The following RANBP2 variants were observed in gnomAD, a reference collection of about 807,000 sequenced individuals.
RANBP2 encodes RAN binding protein 2.
RANBP2 carries 57 observed loss-of-function variants against 303.6 expected under a neutral mutation model. The ratio of observed to expected loss-of-function variants is 0.19; its 90% CI spans 0.15 to 0.23. The LOEUF (loss-of-function observed/expected upper bound fraction) is 0.23. Ranked by LOEUF, RANBP2 falls within the 10% of genes least tolerant of loss-of-function variation. RANBP2 has a pLI of 1.00. For missense variants in RANBP2, 3,138 were observed against 3,780.8 expected (o/e 0.83, Z 4.46); for synonymous variants, 1,167 against 1,301.5 (o/e 0.90, Z 2.23).
At chr2:109,088,623 C>A in the RANBP2 span, among the ~76,000 whole-genome samples, 1 of 151,944 alleles carries the variant, frequency 6.6e-6, no homozygotes, top group African/African-American at 2.4e-5. Flanking sequence ...GAGGTTCTCA[C>A]GCCTCAGCCT....
the RANBP2 span, among the ~76,000 whole-genome samples, chr2:109,486,764 G>A: frequency 3.3e-5 from 5 of 152,286 alleles, no homozygotes; most frequent in Middle Eastern, 3.4e-3. Context: ...GAGGGCACTG[G>A]GTGGTGGGGA....
Position 108,782,226 on chromosome 2 carries a change from C to T in RANBP2, c.8859C>T (p.Arg2953=), listed in dbSNP as rs779450120. The change falls in exon 27 of 29, where the codon CGC becomes CGT. Residue 2953 remains arginine (R), a synonymous_variant. Coordinates refer to ENST00000283195, the MANE Select transcript of RANBP2 (RefSeq NM_006267.5). ...WDRDVSQWKE[R]GVGDIKILWH... ...GGGATGTCAGTCAGTGGAAGGAGCG[C>T]GGTGTTGGAGATATAAAGATTCTTT... 6.2e-5 allele frequency: 100 copies of T among 1,613,904 alleles called. No homozygotes were observed. Among genetic ancestry groups the T allele is most frequent in the East Asian group, 4.0e-4 (18 of 44,886 alleles).
chr2:109,508,561 C>T, the RANBP2 span, among the ~76,000 whole-genome samples: 3 of 151,678 alleles, frequency 2.0e-5, no homozygotes, highest in Non-Finnish European at 1.5e-5. Context: ...CGTCAACAGA[C>T]GTGGACATCA....
At chr2:108,862,524 G>C in the RANBP2 span, among the ~76,000 whole-genome samples, 2 of 152,198 alleles carry the variant, frequency 1.3e-5, no homozygotes, top group East Asian at 1.9e-4. Flanking sequence ...TTACATACTT[G>C]AAAATTGCTA....
At chr2:109,256,059 G>A in the RANBP2 span, among the ~76,000 whole-genome samples, 2 of 152,144 alleles carry the variant, frequency 1.3e-5, no homozygotes, top group Admixed American at 6.5e-5. Context: ...ACAAATGTAA[G>A]CCTGTATGTG....
chr2:108,990,066 C>G, the RANBP2 span, among the ~76,000 whole-genome samples: 1 of 152,130 alleles, frequency 6.6e-6, no homozygotes, highest in Non-Finnish European at 1.5e-5. Flanking sequence ...GAGGCTGAGG[C>G]GGGCAGATCA....
the RANBP2 span, among the ~76,000 whole-genome samples, chr2:108,815,257 CTT>C: frequency 1.3e-5 from 2 of 151,864 alleles, no homozygotes; most frequent in Non-Finnish European, 2.9e-5. Context: ...TTTTTAGAGT[CTT>C]TTAATTGTGG....
At chr2:108,796,743 C>T in the RANBP2 span, among the ~76,000 whole-genome samples, 8 of 152,230 alleles carry the variant, frequency 5.3e-5, no homozygotes, top group East Asian at 1.4e-3. Context: ...ATTGCATGTT[C>T]TCACTCGTGT....
chr2:108,967,396 T>C, the RANBP2 span, among the ~76,000 whole-genome samples: 1 of 152,092 alleles, frequency 6.6e-6, no homozygotes, highest in Non-Finnish European at 1.5e-5. Flanking sequence ...CTGTAGAAAA[T>C]GGTTTGAGGG....
At chr2:109,625,103 A>AAAAAG in the RANBP2 span, among the ~76,000 whole-genome samples, 6 of 145,218 alleles carry the variant, frequency 4.1e-5, no homozygotes, top group Admixed American at 6.7e-5. Context: ...AAAAAAAAAA[A>AAAAAG]AAAAGAAAAG....
the RANBP2 span, among the ~76,000 whole-genome samples, chr2:109,246,657 C>A: frequency 4.8e-3 from 736 of 152,316 alleles, 2 homozygotes; most frequent in Non-Finnish European, 7.9e-3. Flanking sequence ...CTTATTTGAC[C>A]TGTGGACTTA....
the RANBP2 span, among the ~76,000 whole-genome samples, chr2:109,198,060 G>A: frequency 6.6e-6 from 1 of 152,148 alleles, no homozygotes; most frequent in African/African-American, 2.4e-5. Flanking sequence ...CAGTCCCCAT[G>A]CAGTGTGTCA....
the RANBP2 span, among the ~76,000 whole-genome samples, chr2:109,137,080 A>G: frequency 6.6e-6 from 1 of 152,056 alleles, no homozygotes. Context: ...ATGAAATGTA[A>G]TTTTTTTTCC....
At position 108,733,510 on chromosome 2, in the gene RANBP2, A is replaced by C. The variant is rs551055900; in HGVS notation, c.406-2022A>C. On this transcript the variant is annotated intron_variant, in intron 4 of 28. Coordinates refer to ENST00000283195, the MANE Select transcript of RANBP2 (RefSeq NM_006267.5). ...GTTCAGCTGCTATGAACAATCAAGT[A>C]CAGATTTTTGAAGCTGAAAAAGCAT... Among the ~76,000 whole-genome samples, 644 of 152,272 alleles carry C rather than the reference A, an allele frequency of 4.2e-3. 4 individuals carry two copies. Among genetic ancestry groups the C allele is most frequent in the Middle Eastern group, 0.017 (5 of 294 alleles).
chr2:109,388,641 T>C, the RANBP2 span, among the ~76,000 whole-genome samples: 5 of 152,240 alleles, frequency 3.3e-5, no homozygotes, highest in African/African-American at 1.2e-4. Flanking sequence ...CAAACACCTA[T>C]GCATGGAATA....
chr2:109,118,411 G>C, the RANBP2 span, among the ~76,000 whole-genome samples: 1 of 151,734 alleles, frequency 6.6e-6, no homozygotes, highest in African/African-American at 2.4e-5. Flanking sequence ...TAGCTGCGGG[G>C]GTCTGCCTGC....
chr2:109,209,353 T>A, the RANBP2 span, among the ~76,000 whole-genome samples: 4 of 152,162 alleles, frequency 2.6e-5, no homozygotes, highest in Admixed American at 2.0e-4. Flanking sequence ...GGCAAACGTT[T>A]AACAGTTGGC....
chr2:109,183,413 C>T, the RANBP2 span, among the ~76,000 whole-genome samples: 1 of 152,174 alleles, frequency 6.6e-6, no homozygotes, highest in Non-Finnish European at 1.5e-5. Context: ...GGAAACAAAG[C>T]TCTACCTTAT....
chr2:109,194,033 G>C, the RANBP2 span, among the ~76,000 whole-genome samples: 123,007 of 152,188 alleles, frequency 0.81, 49,837 homozygotes, highest in South Asian at 0.86. Context: ...AGAACAGTCT[G>C]TTCTGCCTGT....
Sources: allele counts gnomAD v4.1 joint callset (sites outside exome capture counted in the v4.1 genomes callset), GRCh38; gene constraint gnomAD v4.1.1; transcripts MANE v1.5; gene names NCBI Gene and HGNC (gene_info 2026-07-23, HGNC 2026-07-21).